Variants in MRI1 observed in about 807,000 individuals in gnomAD.
MRI1 encodes methylthioribose-1-phosphate isomerase 1, also known as methylthioribose-1-phosphate isomerase.
In MRI1, 32 loss-of-function variants were observed where a neutral mutation model predicts 27.3. The ratio of observed to expected loss-of-function variants is 1.17; its 90% CI spans 0.88 to 1.57. The LOEUF is 1.57. Ranked by LOEUF, MRI1 falls within the 40% of genes most tolerant of loss-of-function variation. The pLI, the probability that MRI1 is intolerant of heterozygous loss-of-function variation, is 0.00. For synonymous variants in MRI1, 216 were observed against 227.4 expected (o/e 0.95, Z 0.45); for missense variants, 508 against 516.1 (o/e 0.98, Z 0.15).
chr19:13,772,162 G>T lies in MRI1; in HGVS notation c.991G>T (p.Asp331Tyr). 6.2e-7 allele frequency: 1 copy of T among 1,613,766 alleles called. No individual in the cohort carries two copies. Among genetic ancestry groups the T allele is most frequent in the Admixed American group, 1.7e-5 (1 of 59,968 alleles). ...WNPAFDVTPH[D>Y]LITGGIITEL... ...TCCTGCCTTCGATGTCACCCCCCAC[G>T]ACCTCATCACTGGTGGCATCATCAC... The change falls in exon 6 of 6, where the codon GAC becomes TAC. Residue 331 changes from aspartate to tyrosine, a missense_variant. Asp to Tyr is a radical substitution (Grantham distance 160). Coordinates refer to ENST00000040663, the MANE Select transcript of MRI1 (RefSeq NM_001031727.4).
chr19:13,769,046 C>T lies in MRI1; in HGVS notation c.947C>T (p.Pro316Leu). ...TDVNGVRIAA[P>L]GIGVWNPAFD... is the part of the protein sequence containing the mutation. ...GTTAATGGGGTCCGGATTGCAGCAC[C>T]TGGTAAGCTGCCCCCTCAGAAAGGG... is the stretch of plus-strand genomic sequence containing the variant. Residue 316 changes from proline (P) to leucine (L), a missense_variant and splice_region_variant, in exon 5 of 6, where the codon CCT (proline) becomes CTT (leucine). Physicochemically the swap from Pro to Leu is moderately conservative, Grantham distance 98 (BLOSUM62 -3). This residue lies in a region of MRI1 where 457 missense variants were observed against 452.8 expected (regional missense o/e 1.01). Transcript: ENST00000040663. The T allele has an allele frequency of 6.2e-7, 1 of 1,602,354 alleles. No individual in the cohort carries two copies. Among genetic ancestry groups the T allele is most frequent in the Non-Finnish European group, 8.5e-7 (1 of 1,172,052 alleles).
chr19:13,767,574 G>A (rs1308561153), intron 3 of MRI1, among the ~76,000 whole-genome samples: 1 of 152,014 alleles, frequency 6.6e-6, no homozygotes, highest in Non-Finnish European at 1.5e-5. Flanking sequence ...GGAGGCCAAG[G>A]TGGGCGGATC....
At chr19:13,769,302 T>C (rs1213774345) in intron 5 of MRI1, among the ~76,000 whole-genome samples, 1 of 152,230 alleles carries the variant, frequency 6.6e-6, no homozygotes, top group Admixed American at 6.5e-5. Context: ...TAGCTGGGAC[T>C]ATAGGTGGGT....
intron 3 of MRI1, chr19:13,768,360 C>T (rs772437959): frequency 1.6e-5 from 23 of 1,413,030 alleles, no homozygotes; most frequent in African/African-American, 7.1e-5. Context: ...TTTAAACAGA[C>T]GTGAAACGGA....
intron 5 of MRI1, among the ~76,000 whole-genome samples, chr19:13,770,546 C>T (rs1974247785): frequency 6.6e-6 from 1 of 151,490 alleles, no homozygotes; most frequent in South Asian, 2.1e-4. Flanking sequence ...GAGACTGCAC[C>T]ACTGCACTCC....
In MRI1 at chr19:13,772,153, A is replaced by AC. The variant is rs751646149; in HGVS notation, c.988dup (p.His330ProfsTer18). 5.0e-6 allele frequency: 8 copies of AC among 1,612,008 alleles called. No homozygotes were observed. Among genetic ancestry groups the AC allele is most frequent in the Admixed American group, 1.7e-5 (1 of 59,746 alleles). ...AGTTTGGAATCCTGCCTTCGATGTC[A>AC]CCCCCCACGACCTCATCACTGGTGG... On this transcript the variant is annotated frameshift_variant, in exon 6 of 6. Coordinates refer to ENST00000040663, the MANE Select transcript of MRI1 (RefSeq NM_001031727.4). LOFTEE classifies it high-confidence loss of function.
chr19:13,766,107 C>T lies in MRI1; in HGVS notation c.525C>T (p.Thr175=), dbSNP rs770010556. ...ACTGTAACACTGGTGCTCTGGCCAC[C>T]GCTGGCTATGGTACAGCCCTAGGTG... ...LTHCNTGALA[T]AGYGTALGVI... The change falls in exon 3 of 6, where the codon ACC becomes ACT. Residue 175 remains threonine (T), a synonymous_variant. Coordinates refer to ENST00000040663, the MANE Select transcript of MRI1 (RefSeq NM_001031727.4). The T allele has an allele frequency of 5.9e-5, 95 of 1,599,472 alleles. No individual in the cohort carries two copies. In the Admixed American group the frequency reaches 7.3e-4, roughly 12 times the overall value.
At chr19:13,769,679 TGGGA>T (rs1014358672) in intron 5 of MRI1, among the ~76,000 whole-genome samples, 5 of 151,868 alleles carry the variant, frequency 3.3e-5, no homozygotes, top group Non-Finnish European at 5.9e-5. Flanking sequence ...CCCAGCACTT[TGGGA>T]GGCCGAGGCG....
At position 13,773,772 on chromosome 19, in the gene MRI1, C is replaced by T. The variant is rs147089928; in HGVS notation, c.*1491C>T. The T allele has an allele frequency of 6.6e-6, 1 of 152,350 alleles. No homozygotes were observed. Among genetic ancestry groups the T allele is most frequent in the African/African-American group, 2.4e-5 (1 of 41,470 alleles). The allele number at this position is 152,350 out of a possible 1,614,324, so 9.4% of individuals were successfully genotyped here. A position where few individuals can be genotyped will look rare whatever the true frequency, so the allele number is the denominator to read the frequency against. Reference sequence around the variant, plus strand: ...TTCTGGGTTCAAGCGACTCTCCTGCCTCAGCCTCCCGAGTAGCTGGGATTA... The same window carrying T: ...TTCTGGGTTCAAGCGACTCTCCTGCTTCAGCCTCCCGAGTAGCTGGGATTA... On this transcript the variant is annotated 3_prime_UTR_variant, in exon 6 of 6. Transcript: ENST00000040663.
rs982412097 is a variant in MRI1 at position 13,772,059 on chromosome 19, C to T, written c.950-62C>T. 2.7e-6 allele frequency: 4 copies of T among 1,497,672 alleles called. No homozygotes were observed. The Admixed American group carries it at 8.0e-5, about 30-fold the overall frequency. The allele number at this position is 1,497,672 out of a possible 1,614,324, so 92.8% of individuals were successfully genotyped here. On this transcript the variant is annotated intron_variant, in intron 5 of 5. Coordinates refer to ENST00000040663, the MANE Select transcript of MRI1 (RefSeq NM_001031727.4). ...CCACTGTGGTAGAAACAGATGACTA[C>T]AACCTGAGAACTTTCACAGAAGCAA...
At chr19:13,764,846 C>T (rs1599549106) in intron 1 of MRI1, 25 bp from the exon 2 acceptor site, 1 of 1,301,534 alleles carries the variant, frequency 7.7e-7, no homozygotes, top group Non-Finnish European at 9.7e-7. Flanking sequence ...CTGCAGCTTC[C>T]GACGCCCAAA....
chr19:13,772,242 C>T lies in MRI1; in HGVS notation c.1071C>T (p.Ile357=), dbSNP rs1169047931. The T allele has an allele frequency of 2.5e-6, 4 of 1,613,976 alleles. No individual in the cohort carries two copies. In the Admixed American group the frequency reaches 6.7e-5, roughly 27 times the overall value. The part of the protein sequence containing the change: ...EELRTALTTT[I]SSRDGTLDGP... ...TCCGGACAGCCCTAACCACCACCAT[C>T]TCTTCCAGGGATGGAACCCTAGATG... is the stretch of plus-strand genomic sequence containing the variant. The change falls in exon 6 of 6, where the codon ATC becomes ATT. Residue 357 remains isoleucine (I), a synonymous_variant. Coordinates refer to ENST00000040663, the MANE Select transcript of MRI1 (RefSeq NM_001031727.4).
At chr19:13,765,697 A>G (rs1044712573) in intron 2 of MRI1, among the ~76,000 whole-genome samples, 1 of 151,946 alleles carries the variant, frequency 6.6e-6, no homozygotes, top group East Asian at 1.9e-4. Flanking sequence ...TGGCTCACTC[A>G]CCCCAGTGTC....
chr19:13,764,663 C>T lies in MRI1; in HGVS notation c.75C>T (p.Ser25=). ...ACCAGCTGCTGCTGCCCAAGCAGAG[C>T]CGCTACGAGGCGGTGGGCTCGGTGC... The part of the protein sequence containing the change: ...ILDQLLLPKQ[S]RYEAVGSVHQ... Residue 25 remains serine, a synonymous_variant, in exon 1 of 6, where the codon AGC becomes AGT. Coordinates refer to ENST00000040663, the MANE Select transcript of MRI1 (RefSeq NM_001031727.4). 2 of 1,601,894 alleles carry T rather than the reference C, an allele frequency of 1.2e-6. No homozygotes were observed. The highest frequency in any genetic ancestry group is 2.2e-5 in the South Asian group (2 of 90,760).
intron 5 of MRI1, among the ~76,000 whole-genome samples, chr19:13,770,650 G>C (rs180967919): frequency 1.3e-5 from 2 of 152,104 alleles, no homozygotes; most frequent in Non-Finnish European, 2.9e-5. Flanking sequence ...TTGGGAAGCC[G>C]AGGCGGGCGG....
chr19:13,768,457 T>C (rs1431430577), intron 3 of MRI1, 104 bp from the exon 4 acceptor site: 1 of 1,572,564 alleles, frequency 6.4e-7, no homozygotes, highest in Non-Finnish European at 8.6e-7. Flanking sequence ...GGTAAGCCTT[T>C]GGCAATCCAC....
rs991259414 is a variant in MRI1 at position 13,773,733 on chromosome 19, C to T, written c.*1452C>T. 1.5e-4 allele frequency: 23 copies of T among 152,338 alleles called. No homozygotes were observed. The highest frequency in any genetic ancestry group is 5.3e-4 in the African/African-American group (22 of 41,458). 9.4% of individuals were successfully genotyped at this position (152,338 alleles called of 1,614,324 possible). Reference sequence around the variant, plus strand: ...AGTACAGTGGTGCCATCTCAGCTCACTGCAACCTCCGCCTTCTGGGTTCAA... The same window carrying T: ...AGTACAGTGGTGCCATCTCAGCTCATTGCAACCTCCGCCTTCTGGGTTCAA... On this transcript the variant is annotated 3_prime_UTR_variant, in exon 6 of 6. Transcript: ENST00000040663.
intron 3 of MRI1, 36 bp from the exon 4 acceptor site, chr19:13,768,525 C>T (rs369240217): frequency 1.9e-6 from 3 of 1,596,224 alleles, no homozygotes; most frequent in Admixed American, 1.7e-5. Context: ...TTTGCCCCTC[C>T]CCGGGGCCTT....
intron 3 of MRI1, 95 bp downstream of exon 3, chr19:13,766,224 A>C (rs1262343820): frequency 2.5e-6 from 3 of 1,222,792 alleles, no homozygotes; most frequent in Non-Finnish European, 3.3e-6. Context: ...TTTATCCACA[A>C]AAAAAATGGG....
Sources: gnomAD v4.1 joint callset for allele counts (sites outside exome capture counted in the v4.1 genomes callset) on GRCh38, gnomAD v4.1.1 for gene constraint, gnomAD v4.1.1 regional missense constraint, MANE v1.5 for transcripts, NCBI Gene and HGNC (gene_info 2026-07-23, HGNC 2026-07-21) for gene names.